ADAMTS16: variants seen among roughly 807,000 people sequenced by gnomAD.
ADAMTS16 encodes the protein ADAM metallopeptidase with thrombospondin type 1 motif 16, also known as A disintegrin and metalloproteinase with thrombospondin motifs 16.
In ADAMTS16, 94 loss-of-function variants were observed where a neutral mutation model predicts 145.8. That is an observed-to-expected ratio of 0.64 (90% CI 0.55 to 0.77). ADAMTS16 has a LOEUF of 0.77. ADAMTS16 is among the 30% of genes least tolerant of loss of function. The pLI is 0.00. For missense variants in ADAMTS16, 1,585 were observed against 1,591.5 expected (o/e 1.00, Z 0.07); for synonymous variants, 659 against 604.3 (o/e 1.09, Z -1.33).
intron 10 of ADAMTS16, among the ~76,000 whole-genome samples, chr5:5,217,427 T>C (rs1379821944): frequency 2.6e-5 from 4 of 152,222 alleles, no homozygotes; most frequent in African/African-American, 4.8e-5. Flanking sequence ...GAAATTCTTT[T>C]CTAAGCCAGT....
Position 5,190,039 on chromosome 5 carries a change from G to A in ADAMTS16, c.1116G>A (p.Leu372=), listed in dbSNP as rs1225921943. ...GCTTCTGCCAGTGGCAGTCTGGATTGATGGGGAAAGATGGGACTCGTCATG... is the reference window on the plus strand; with the variant it reads ...GCTTCTGCCAGTGGCAGTCTGGATTAATGGGGAAAGATGGGACTCGTCATG... The part of the protein sequence containing the change: ...LSSFCQWQSG[L]MGKDGTRHDH... The change falls in exon 7 of 23, where the codon TTG becomes TTA. Residue 372 remains leucine (L), a synonymous_variant. Coordinates refer to ENST00000274181, the MANE Select transcript of ADAMTS16 (RefSeq NM_139056.4). The A allele has an allele frequency of 1.9e-6, 3 of 1,613,342 alleles. No individual in the cohort carries two copies. The highest frequency in any genetic ancestry group is 2.2e-5 in the South Asian group (2 of 90,818).
intron 10 of ADAMTS16, among the ~76,000 whole-genome samples, chr5:5,213,220 T>C (rs1023609440): frequency 6.6e-6 from 1 of 152,228 alleles, no homozygotes; most frequent in Non-Finnish European, 1.5e-5. Flanking sequence ...TTGTTTAGTA[T>C]CTATGTTTTC....
chr5:5,285,873 C>T (rs1739084171), intron 18 of ADAMTS16, among the ~76,000 whole-genome samples: 2 of 152,232 alleles, frequency 1.3e-5, no homozygotes, highest in Non-Finnish European at 2.9e-5. Context: ...TTCACTTCTT[C>T]TTCTTCTTCA....
chr5:5,314,952 A>G (rs997817191), intron 21 of ADAMTS16, among the ~76,000 whole-genome samples: 2 of 152,218 alleles, frequency 1.3e-5, no homozygotes, highest in Non-Finnish European at 2.9e-5. Context: ...TGCCTAGAAC[A>G]GTGCCTGGTA....
intron 9 of ADAMTS16, among the ~76,000 whole-genome samples, chr5:5,203,523 G>A: frequency 6.6e-6 from 1 of 152,124 alleles, no homozygotes; most frequent in East Asian, 1.9e-4. Flanking sequence ...GAACTCAATT[G>A]GCCTGAAGTT....
In ADAMTS16 at chr5:5,236,960, C is replaced by A. The variant is rs1323560222; in HGVS notation, c.2024-9C>A. On this transcript the variant is annotated splice_polypyrimidine_tract_variant and intron_variant, in intron 13 of 22. Transcript: ENST00000274181. ...CTTATTTGTGTTTGTGTGTGTATTT[C>A]TTTTTAAGATCAGGACTTATGCAAA... The A allele has an allele frequency of 6.2e-7, 1 of 1,605,320 alleles. No individual in the cohort carries two copies. Among genetic ancestry groups the A allele is most frequent in the Non-Finnish European group, 8.5e-7 (1 of 1,176,288 alleles).
intron 12 of ADAMTS16, among the ~76,000 whole-genome samples, 180 bp downstream of exon 12, chr5:5,232,696 C>T (rs1012826964): frequency 4.7e-5 from 7 of 150,346 alleles, no homozygotes; most frequent in Admixed American, 6.7e-5. Context: ...CTCCGCCTCC[C>T]GGATTCAAGC....
intron 10 of ADAMTS16, among the ~76,000 whole-genome samples, chr5:5,222,249 G>C (rs1312455656): frequency 6.6e-6 from 1 of 152,154 alleles, no homozygotes; most frequent in Non-Finnish European, 1.5e-5. Flanking sequence ...GGAACCTCTT[G>C]CCTGGCAAGA....
intron 20 of ADAMTS16, among the ~76,000 whole-genome samples, chr5:5,305,013 C>CCA (rs746640387): frequency 0.12 from 8,803 of 71,520 alleles, 1,013 homozygotes; most frequent in Non-Finnish European, 0.18. Flanking sequence ...ACATCCCACA[C>CCA]CACACACACA....
chr5:5,239,773 G>A lies in ADAMTS16; in HGVS notation c.2371G>A (p.Ala791Thr), dbSNP rs2126386408. 6.2e-7 allele frequency: 1 copy of A among 1,614,136 alleles called. No individual in the cohort carries two copies. Residue 791 changes from alanine (A) to threonine (T), a missense_variant, in exon 16 of 23, where the codon GCC becomes ACC. By Grantham distance (58) the Ala-to-Thr change is moderately conservative. Transcript: ENST00000274181. ...VSTSYISVRN[A>T]LRRYYLNGHW... ...TACCTCCTACATTTCTGTGCGCAAT[G>A]CCCTCAGAAGGTACTACCTGAATGG...
Position 5,319,211 on chromosome 5 carries a change from C to G in ADAMTS16, c.*73C>G. The G allele has an allele frequency of 8.8e-7, 1 of 1,136,576 alleles. No individual in the cohort carries two copies. The highest frequency in any genetic ancestry group is 1.3e-6 in the Non-Finnish European group (1 of 773,714). 70.4% of individuals were successfully genotyped at this position (1,136,576 alleles called of 1,614,324 possible). On this transcript the variant is annotated 3_prime_UTR_variant, in exon 23 of 23. Coordinates refer to ENST00000274181, the MANE Select transcript of ADAMTS16 (RefSeq NM_139056.4). ...ATTTCCCACAAATGAGCTGTGCAAT[C>G]TACGTCGGAATACATCCAAGGAAGA...
At chr5:5,235,878 A>C (rs923082174) in intron 13 of ADAMTS16, among the ~76,000 whole-genome samples, 1 of 152,224 alleles carries the variant, frequency 6.6e-6, no homozygotes, top group Non-Finnish European at 1.5e-5. Context: ...CCCATCTGAC[A>C]TTCCCATTCA....
chr5:5,229,796 AAAG>A (rs1736872927), intron 11 of ADAMTS16, among the ~76,000 whole-genome samples: 1 of 152,224 alleles, frequency 6.6e-6, no homozygotes, highest in Non-Finnish European at 1.5e-5. Flanking sequence ...TTTTTTCTTA[AAAG>A]AAGTAATCCA....
intron 3 of ADAMTS16, among the ~76,000 whole-genome samples, chr5:5,151,728 G>A (rs1048832984): frequency 3.5e-5 from 5 of 142,496 alleles, no homozygotes; most frequent in African/African-American, 1.3e-4. Context: ...GTGTGTGTAT[G>A]TGTGTGGGGG....
intron 18 of ADAMTS16, among the ~76,000 whole-genome samples, chr5:5,297,736 G>A (rs887627559): frequency 4.6e-5 from 7 of 152,190 alleles, no homozygotes; most frequent in African/African-American, 1.7e-4. Flanking sequence ...AGTCCCTGAA[G>A]ATGACGCCCA....
intron 3 of ADAMTS16, among the ~76,000 whole-genome samples, chr5:5,156,326 G>A (rs549618667): frequency 6.6e-6 from 1 of 152,262 alleles, no homozygotes; most frequent in South Asian, 2.1e-4. Context: ...AATAGTGCCT[G>A]GCATATAGTA....
At chr5:5,251,611 G>A (rs1737624459) in intron 17 of ADAMTS16, among the ~76,000 whole-genome samples, 2 of 152,230 alleles carry the variant, frequency 1.3e-5, no homozygotes, top group South Asian at 4.1e-4. Flanking sequence ...CTGTGGCACA[G>A]AGACTGAAGG....
intron 3 of ADAMTS16, among the ~76,000 whole-genome samples, chr5:5,152,190 C>A (rs537950548): frequency 7.2e-4 from 109 of 152,366 alleles, no homozygotes; most frequent in African/African-American, 2.5e-3. Flanking sequence ...CTTGTTCATG[C>A]AGCCTGTCTC....
intron 18 of ADAMTS16, among the ~76,000 whole-genome samples, chr5:5,268,252 A>C (rs957510584): frequency 6.6e-6 from 1 of 152,184 alleles, no homozygotes; most frequent in African/African-American, 2.4e-5. Context: ...TCCTTAATAC[A>C]TCTAAACCAC....
Sources: allele counts gnomAD v4.1 joint callset (sites outside exome capture counted in the v4.1 genomes callset), GRCh38; gene constraint gnomAD v4.1.1; transcripts MANE v1.5; gene names NCBI Gene and HGNC (gene_info 2026-07-23, HGNC 2026-07-21).